The following ABR variants were observed in gnomAD, a reference collection of about 807,000 sequenced individuals.
ABR encodes the protein active breakpoint cluster region-related protein.
Under a neutral mutation model 107.2 loss-of-function variants are expected in ABR, and 35 were observed. That is an observed-to-expected ratio of 0.33 (90% confidence interval 0.25 to 0.43). The LOEUF is 0.43. ABR is among the 20% of genes least tolerant of loss of function. The pLI, the probability that ABR is intolerant of heterozygous loss-of-function variation, is 1.00. For synonymous variants in ABR, 498 were observed against 462.0 expected, an observed-to-expected ratio of 1.08 and a Z score of -1.00; for missense variants, 815 against 1,115.2, an observed-to-expected ratio of 0.73 and a Z score of 3.83.
intron 6 of ABR, among the ~76,000 whole-genome samples, chr17:1,073,949 C>A (rs955092124): frequency 7.1e-6 from 1 of 139,862 alleles, no homozygotes; most frequent in East Asian, 2.6e-4. Flanking sequence ...AGAGCCGCCC[C>A]GCCCCCCTCC....
At chr17:1,040,270 T>G (rs956680176) in intron 16 of ABR, among the ~76,000 whole-genome samples, 1 of 151,920 alleles carries the variant, frequency 6.6e-6, no homozygotes, top group African/African-American at 2.4e-5. Context: ...GGGAGGGAAG[T>G]GGGGCAGGGG....
exon 1 of ABR, among the ~76,000 whole-genome samples, chr17:1,229,671 C>T (rs1004861085): frequency 6.6e-6 from 1 of 152,046 alleles, no homozygotes; most frequent in East Asian, 1.9e-4. Context: ...CCGCGGCCCC[C>T]GAAGAGACCA....
At chr17:1,105,067 G>A (rs1436582213) in intron 2 of ABR, among the ~76,000 whole-genome samples, 1 of 145,950 alleles carries the variant, frequency 6.9e-6, no homozygotes, top group Non-Finnish European at 1.5e-5. Flanking sequence ...GGAGTGCAGT[G>A]GCAGGATCTT....
At chr17:1,166,477 T>C (rs2041510696) in intron 1 of ABR, among the ~76,000 whole-genome samples, 1 of 152,082 alleles carries the variant, frequency 6.6e-6, no homozygotes, top group Admixed American at 6.5e-5. Flanking sequence ...CGGGAGAGGC[T>C]CAGTGTGGCC....
rs1235546383 is a variant in ABR at position 1,146,687 on chromosome 17, A to C, written c.62-21320T>G. Among the ~76,000 whole-genome samples the C allele has an allele frequency of 9.4e-4, 130 of 138,442 alleles. 3 individuals are homozygous for C. The highest frequency in any genetic ancestry group is 1.2e-3 in the Non-Finnish European group (78 of 65,058). The allele number at this position is 138,442 out of a possible 152,430, so 90.8% of individuals were successfully genotyped here. On this transcript the variant is annotated intron_variant, in intron 1 of 22. Transcript: ENST00000302538. ...GCCACCAGGCCACCACTGCCACACG[A>C]CACCACTGCCACCATGCCACCACTG... is the stretch of plus-strand genomic sequence containing the variant.
rs1052477358 is a variant in ABR at position 1,015,246 on chromosome 17, G to A, written c.1792-2082C>T. Among the ~76,000 whole-genome samples, 16 of 151,654 alleles carry A rather than the reference G, an allele frequency of 1.1e-4. No homozygotes were observed. The East Asian group carries it at 1.6e-3, about 15-fold the overall frequency. On this transcript the variant is annotated intron_variant, in intron 16 of 22. Coordinates refer to ENST00000302538, the MANE Select transcript of ABR (RefSeq NM_021962.5). Reference sequence around the variant, plus strand: ...AGCCTGGCCAACATGACAAAACCCTGTCTCTACTAAAAATACAAAAGTGAG... The same window carrying A: ...AGCCTGGCCAACATGACAAAACCCTATCTCTACTAAAAATACAAAAGTGAG...
At position 1,210,571 on chromosome 17, in the gene ABR, G is replaced by A. The variant is rs576364765; in HGVS notation, c.838+18222C>T. 6.5e-4 allele frequency among the ~76,000 whole-genome samples: 98 copies of A among 151,372 alleles called. No homozygotes were observed. The highest frequency in any genetic ancestry group is 4.6e-4 in the Non-Finnish European group (31 of 67,862). On this transcript the variant is annotated intron_variant, in intron 1 of 22. Transcript: ENST00000574139. The surrounding 1 kb of genome is among the most constrained non-coding windows in gnomAD (Gnocchi z 5.6). Reference sequence around the variant, plus strand: ...AGCTTGTCTGCACTATCGTCCAGGTGTCACTCAGCTTCTCTGCACTATCGT... The same window carrying A: ...AGCTTGTCTGCACTATCGTCCAGGTATCACTCAGCTTCTCTGCACTATCGT...
chr17:1,153,925 A>G (rs2151542787), intron 1 of ABR: 1 of 175,146 alleles, frequency 5.7e-6, no homozygotes, highest in South Asian at 1.1e-4. Flanking sequence ...CCTGGTGGTC[A>G]CCATAGCAAC....
At chr17:1,057,193 T>A in intron 12 of ABR, 91 bp from the exon 13 acceptor site, 1 of 842,016 alleles carries the variant, frequency 1.2e-6, no homozygotes, top group Non-Finnish European at 2.0e-6. Context: ...GAAGACGGCT[T>A]AATCCCTGGG....
chr17:1,208,872 T>C (rs1213283062), intron 1 of ABR, among the ~76,000 whole-genome samples: 1 of 139,334 alleles, frequency 7.2e-6, no homozygotes, highest in African/African-American at 2.8e-5. Context: ...TGGGTGAGAG[T>C]GTGAGACTCC....
rs866458071 is a variant in ABR, at chr17:1,101,998, G to T, written c.247-1263C>A. ...TCCGCCCGCCTTGGCCTCCCAAAGT[G>T]CTGGGATTACAGGTGTGAGCCACCG... On this transcript the variant is annotated intron_variant, in intron 2 of 22. Transcript: ENST00000302538. Among the ~76,000 whole-genome samples, 10 of 152,120 alleles carry T rather than the reference G, an allele frequency of 6.6e-5. No homozygotes were observed. The South Asian group carries it at 1.2e-3, about 19-fold the overall frequency.
chr17:1,198,462 G>C (rs768504156), intron 1 of ABR, among the ~76,000 whole-genome samples: 1 of 151,438 alleles, frequency 6.6e-6, no homozygotes, highest in African/African-American at 2.5e-5. Context: ...CCTGGTTCCG[G>C]CCAGGCACAG....
At chr17:1,095,874 G>A (rs1353709791) in intron 3 of ABR, among the ~76,000 whole-genome samples, 2 of 152,168 alleles carry the variant, frequency 1.3e-5, no homozygotes, top group African/African-American at 2.4e-5. Context: ...CGAGTCACTC[G>A]TCACTGGAGC....
chr17:1,132,024 C>A (rs2039862949), intron 1 of ABR, among the ~76,000 whole-genome samples: 1 of 151,886 alleles, frequency 6.6e-6, no homozygotes, highest in Admixed American at 6.6e-5. Flanking sequence ...ACGCACACAG[C>A]TCCCCCCTCT....
At position 1,087,465 on chromosome 17, in the gene ABR, C is replaced by T. The variant is rs534026160; in HGVS notation, c.532-3838G>A. On this transcript the variant is annotated intron_variant, in intron 4 of 22. Coordinates refer to ENST00000302538, the MANE Select transcript of ABR (RefSeq NM_021962.5). ...GCGCGAGTGGGGACGCCCGGCGTGA[C>T]GCCAAGGCCAGAGGCATTCAGGTCT... Among the ~76,000 whole-genome samples the T allele has an allele frequency of 1.1e-4, 17 of 152,156 alleles. No individual in the cohort carries two copies. In the South Asian group the frequency reaches 3.5e-3, roughly 31 times the overall value.
At chr17:1,041,106 G>T (rs1387456946) in intron 16 of ABR, among the ~76,000 whole-genome samples, 1 of 152,038 alleles carries the variant, frequency 6.6e-6, no homozygotes. Context: ...TTTTAGTAGA[G>T]ACGGCGTTTC....
In ABR at chr17:1,163,296, G is replaced by T. The variant is rs112374779; in HGVS notation, c.61+16371C>A. ...CATCAATCGCATCGTGATTTTTTGT[G>T]TCGACTCTGTATCGACCCTGTAAAA... On this transcript the variant is annotated intron_variant, in intron 1 of 22. Transcript: ENST00000302538. 3.1e-4 allele frequency among the ~76,000 whole-genome samples: 47 copies of T among 152,304 alleles called. 2 individuals are homozygous for T. The highest frequency in any genetic ancestry group is 1.1e-3 in the African/African-American group (46 of 41,558).
chr17:1,031,570 C>T (rs2072763464), intron 16 of ABR: 1 of 1,173,048 alleles, frequency 8.5e-7, no homozygotes, highest in Non-Finnish European at 1.1e-6. Context: ...AGCCCCCACC[C>T]CCCGGAACCT....
intron 1 of ABR, among the ~76,000 whole-genome samples, chr17:1,211,806 C>T (rs1320158985): frequency 6.6e-6 from 1 of 152,150 alleles, no homozygotes; most frequent in Non-Finnish European, 1.5e-5. Flanking sequence ...CAAGGCCGGC[C>T]ACGGTGGCTC....
Sources: allele counts gnomAD v4.1 joint callset (sites outside exome capture counted in the v4.1 genomes callset), GRCh38; gene constraint gnomAD v4.1.1; non-coding constraint Gnocchi (gnomAD v3.1); transcripts MANE v1.5; gene names NCBI Gene and HGNC (gene_info 2026-07-23, HGNC 2026-07-21).